Variants in STPG2 observed in about 807,000 individuals in gnomAD.
STPG2 encodes the protein sperm-tail PG-rich repeat-containing protein 2.
STPG2 carries 56 observed loss-of-function variants against 54.2 expected under a neutral mutation model. That is an observed-to-expected ratio of 1.03 (90% CI 0.83 to 1.29). The LOEUF is 1.29. STPG2 is among the 50% of genes most tolerant of loss of function. The pLI is 0.00. For synonymous variants in STPG2, 200 were observed against 181.8 expected, an observed-to-expected ratio of 1.10 and a Z score of -0.81; for missense variants, 596 against 544.9, an observed-to-expected ratio of 1.09 and a Z score of -0.93.
intron 8 of STPG2, among the ~76,000 whole-genome samples, chr4:97,865,149 A>G (rs1455082158): frequency 1.3e-5 from 2 of 152,192 alleles, no homozygotes; most frequent in African/African-American, 4.8e-5. Flanking sequence ...ATCAGAGTGA[A>G]CAGGCAACCT....
chr4:97,940,160 G>A (rs1361834458), intron 8 of STPG2, among the ~76,000 whole-genome samples: 8 of 83,750 alleles, frequency 9.6e-5, no homozygotes, highest in African/African-American at 2.4e-4. Context: ...TTTCAGCTGA[G>A]AGTCGGCTGT....
At chr4:97,897,257 C>T (rs540738567) in intron 8 of STPG2, among the ~76,000 whole-genome samples, 1 of 152,084 alleles carries the variant, frequency 6.6e-6, no homozygotes, top group East Asian at 1.9e-4. Context: ...TTTATAATTG[C>T]ATAGTATTCC....
intron 9 of STPG2, among the ~76,000 whole-genome samples, chr4:97,830,711 C>T (rs1486922805): frequency 6.6e-6 from 1 of 152,020 alleles, no homozygotes; most frequent in East Asian, 1.9e-4. Flanking sequence ...CAAAAACAAG[C>T]AGAGGTTGCA....
chr4:98,098,646 T>C (rs1171288998), intron 5 of STPG2, among the ~76,000 whole-genome samples: 1 of 152,096 alleles, frequency 6.6e-6, no homozygotes, highest in Non-Finnish European at 1.5e-5. Context: ...TTAAAAAGAT[T>C]TCTGCACAGC....
At chr4:97,691,821 G>T (rs1354860827) in intron 10 of STPG2, among the ~76,000 whole-genome samples, 1 of 152,148 alleles carries the variant, frequency 6.6e-6, no homozygotes, top group Non-Finnish European at 1.5e-5. Context: ...CCGGGAGTAG[G>T]TGTTGCTATC....
chr4:97,763,036 A>G (rs1725936850), intron 9 of STPG2, among the ~76,000 whole-genome samples: 1 of 152,152 alleles, frequency 6.6e-6, no homozygotes, highest in Non-Finnish European at 1.5e-5. Context: ...CCACAAATAC[A>G]GTGGATTAAA....
At chr4:97,811,339 A>G (rs1355531594) in intron 9 of STPG2, among the ~76,000 whole-genome samples, 3 of 152,138 alleles carry the variant, frequency 2.0e-5, no homozygotes, top group Non-Finnish European at 2.9e-5. Flanking sequence ...TCAGAACCCA[A>G]TATCTACACA....
At chr4:97,615,099 G>T (rs933323151) in intron 10 of STPG2, among the ~76,000 whole-genome samples, 5 of 152,012 alleles carry the variant, frequency 3.3e-5, no homozygotes, top group Non-Finnish European at 5.9e-5. Flanking sequence ...AGCATTAATG[G>T]TTTCACCATT....
chr4:97,972,514 A>T (rs1734366754), intron 6 of STPG2, 74 bp from the exon 7 acceptor site: 2 of 872,102 alleles, frequency 2.3e-6, no homozygotes, highest in East Asian at 6.0e-5. Context: ...AGTAATTTTT[A>T]ATTAAGGGTT....
chr4:97,907,551 C>A (rs1397607949), intron 8 of STPG2, among the ~76,000 whole-genome samples: 1 of 151,898 alleles, frequency 6.6e-6, no homozygotes, highest in Non-Finnish European at 1.5e-5. Context: ...AAAGAGCCTA[C>A]ATCGCCAAGT....
chr4:97,634,162 C>G (rs1234325202), intron 10 of STPG2, among the ~76,000 whole-genome samples: 1 of 152,166 alleles, frequency 6.6e-6, no homozygotes, highest in Non-Finnish European at 1.5e-5. Flanking sequence ...GGCAGACTGC[C>G]TCCTCAAGTG....
intron 8 of STPG2, among the ~76,000 whole-genome samples, chr4:97,869,371 C>T (rs1729901670): frequency 6.6e-6 from 1 of 151,548 alleles, no homozygotes; most frequent in South Asian, 2.1e-4. Context: ...AGGTAAGTTA[C>T]AGAGTTCTAC....
chr4:98,079,280 T>G (rs899554866), intron 5 of STPG2, among the ~76,000 whole-genome samples: 1 of 152,368 alleles, frequency 6.6e-6, no homozygotes, highest in East Asian at 1.9e-4. Flanking sequence ...ATATGTATCC[T>G]GTATAGGATG....
intron 9 of STPG2, among the ~76,000 whole-genome samples, chr4:97,777,652 G>A (rs1464476576): frequency 1.3e-5 from 2 of 152,126 alleles, no homozygotes; most frequent in African/African-American, 2.4e-5. Flanking sequence ...TGGTTTTACA[G>A]TCAAATGTAT....
intron 10 of STPG2, among the ~76,000 whole-genome samples, chr4:97,675,456 G>A (rs1235501212): frequency 1.3e-5 from 2 of 152,040 alleles, no homozygotes; most frequent in African/African-American, 4.8e-5. Flanking sequence ...AAGTCCAAAA[G>A]GAAAAGAAAA....
chr4:97,966,354 C>T (rs78596577), intron 7 of STPG2, among the ~76,000 whole-genome samples: 347 of 152,122 alleles, frequency 2.3e-3, no homozygotes, highest in Admixed American at 6.0e-3. Context: ...AACAAAACCT[C>T]TAAGAAATAT....
chr4:97,805,711 G>T (rs1045759079), intron 9 of STPG2, among the ~76,000 whole-genome samples: 2 of 151,758 alleles, frequency 1.3e-5, no homozygotes, highest in Non-Finnish European at 2.9e-5. Context: ...CTCCCATTCT[G>T]TAGGCTGTTT....
At chr4:97,660,088 C>T (rs558903756) in intron 10 of STPG2, among the ~76,000 whole-genome samples, 4 of 151,998 alleles carry the variant, frequency 2.6e-5, no homozygotes, top group African/African-American at 9.6e-5. Flanking sequence ...CTGCAAGCTC[C>T]GCCTCCCGGG....
At position 97,454,470 on chromosome 4, in the gene STPG2, G is replaced by A. The variant is rs533183959; in HGVS notation, c.462+258229C>T. On this transcript the variant is annotated intron_variant, in intron 4 of 4. Coordinates refer to the STPG2 transcript ENST00000522676. ...AGAGCTTGCAGTGAGCCGAGATTGC[G>A]CCACTGCAGTCCGCAGTCCGGCCTG... Among the ~76,000 whole-genome samples the A allele has an allele frequency of 4.6e-3, 606 of 132,502 alleles. 3 individuals carry two copies. Among genetic ancestry groups the A allele is most frequent in the South Asian group, 0.023 (93 of 3,980 alleles). 86.9% of individuals were successfully genotyped at this position (132,502 alleles called of 152,430 possible). A position where few individuals can be genotyped will look rare whatever the true frequency, so the allele number is the denominator to read the frequency against.
Sources: allele counts gnomAD v4.1 joint callset (sites outside exome capture counted in the v4.1 genomes callset), GRCh38; gene constraint gnomAD v4.1.1; transcripts MANE v1.5; gene names NCBI Gene and HGNC (gene_info 2026-07-23, HGNC 2026-07-21).